Variants in EEFSEC observed in about 807,000 individuals in gnomAD.
EEFSEC encodes selenocysteine-specific elongation factor.
Under a neutral mutation model 42.1 loss-of-function variants are expected in EEFSEC, and 43 were observed. The observed-to-expected ratio is 1.02, with a 90% CI of 0.80 to 1.32. The LOEUF (loss-of-function observed/expected upper bound fraction) is 1.32, where lower values mean the gene tolerates loss of function less well. EEFSEC is among the 40% of genes most tolerant of loss of function. The pLI, the probability that EEFSEC is intolerant of heterozygous loss-of-function variation, is 0.00. For synonymous variants in EEFSEC, 354 were observed against 339.1 expected, an observed-to-expected ratio of 1.04 and a Z score of -0.48; for missense variants, 745 against 803.6, an observed-to-expected ratio of 0.93 and a Z score of 0.88.
chr3:128,402,633 C>T (rs2068061762), intron 6 of EEFSEC, among the ~76,000 whole-genome samples: 1 of 152,232 alleles, frequency 6.6e-6, no homozygotes, highest in African/African-American at 2.4e-5. Context: ...GCTGTGGGGA[C>T]ATCTTTGTGT....
At chr3:128,195,011 T>C (rs944517474) in intron 1 of EEFSEC, among the ~76,000 whole-genome samples, 4 of 152,198 alleles carry the variant, frequency 2.6e-5, no homozygotes, top group African/African-American at 9.7e-5. Context: ...TTGGAGCTGG[T>C]CAGCCAGTGC....
intron 6 of EEFSEC, among the ~76,000 whole-genome samples, chr3:128,405,595 GC>G (rs1162947588): frequency 6.6e-6 from 1 of 152,244 alleles, no homozygotes; most frequent in Non-Finnish European, 1.5e-5. Context: ...AACCCACACA[GC>G]CCCGCCAGCC....
chr3:128,424,506 T>C, the EEFSEC span, among the ~76,000 whole-genome samples: 1 of 152,032 alleles, frequency 6.6e-6, no homozygotes, highest in Admixed American at 6.5e-5. Flanking sequence ...CTCAGCCTCC[T>C]GAGTAGCTAA....
chr3:128,227,536 G>C (rs539032866), intron 1 of EEFSEC, among the ~76,000 whole-genome samples: 3 of 152,266 alleles, frequency 2.0e-5, no homozygotes, highest in African/African-American at 7.2e-5. Context: ...CAGAGGAGGG[G>C]CTCTCTGTGG....
chr3:128,384,229 A>G (rs1185555543), intron 6 of EEFSEC, among the ~76,000 whole-genome samples: 1 of 152,198 alleles, frequency 6.6e-6, no homozygotes, highest in Non-Finnish European at 1.5e-5. Context: ...TGCCCAGGAG[A>G]GAAGGTACCA....
intron 6 of EEFSEC, chr3:128,362,264 G>A (rs370898455): frequency 2.5e-5 from 13 of 515,274 alleles, no homozygotes; most frequent in Non-Finnish European, 3.6e-5. Flanking sequence ...AACAGCTTCC[G>A]CAGCCCCTCC....
chr3:128,201,941 C>T (rs2065648041), intron 1 of EEFSEC, among the ~76,000 whole-genome samples: 1 of 152,142 alleles, frequency 6.6e-6, no homozygotes, highest in Admixed American at 6.5e-5. Flanking sequence ...TATTCCAGTG[C>T]ATCATTTCTT....
At chr3:128,350,714 G>C (rs535742588) in intron 5 of EEFSEC, among the ~76,000 whole-genome samples, 6 of 152,232 alleles carry the variant, frequency 3.9e-5, no homozygotes, top group African/African-American at 1.4e-4. Flanking sequence ...GAAAGAGCCA[G>C]TTCTGGAAAC....
chr3:128,409,465 A>G (rs2068158734), downstream of EEFSEC, among the ~76,000 whole-genome samples: 2 of 152,126 alleles, frequency 1.3e-5, no homozygotes, highest in Non-Finnish European at 2.9e-5. Context: ...AGCTGCAAGG[A>G]TACCAGCGAT....
intron 4 of EEFSEC, among the ~76,000 whole-genome samples, chr3:128,279,124 G>A (rs1207066217): frequency 6.6e-6 from 1 of 152,210 alleles, no homozygotes; most frequent in East Asian, 1.9e-4. Flanking sequence ...CAAGCAGAGC[G>A]CAGCTAATGT....
Position 128,174,108 on chromosome 3 carries a change from C to T in EEFSEC, c.316+20285C>T, listed in dbSNP as rs970195206. Among the ~76,000 whole-genome samples, 4 of 152,318 alleles carry T rather than the reference C, an allele frequency of 2.6e-5. No individual in the cohort carries two copies. The East Asian group carries it at 7.7e-4, about 29-fold the overall frequency. On this transcript the variant is annotated intron_variant, in intron 1 of 6. Transcript: ENST00000254730. Reference sequence around the variant, plus strand: ...AGGAAACATTGCTCTGGCCGCTGCTCTCAGAGGCCCTCCCCTCTGTTTCCA... The same window carrying T: ...AGGAAACATTGCTCTGGCCGCTGCTTTCAGAGGCCCTCCCCTCTGTTTCCA...
chr3:128,253,195 G>A (rs141146071), intron 2 of EEFSEC, among the ~76,000 whole-genome samples: 7 of 152,342 alleles, frequency 4.6e-5, no homozygotes, highest in African/African-American at 1.7e-4. Context: ...ATTTCCAAAA[G>A]CTTTATAGGT....
At chr3:128,356,209 C>T (rs2107586091) in intron 5 of EEFSEC, among the ~76,000 whole-genome samples, 2 of 152,306 alleles carry the variant, frequency 1.3e-5, no homozygotes, top group Middle Eastern at 6.8e-3. Context: ...CTAAGGATAC[C>T]TGCGTATATT....
At chr3:128,218,067 CAT>C (rs1270142366) in intron 1 of EEFSEC, among the ~76,000 whole-genome samples, 3 of 152,170 alleles carry the variant, frequency 2.0e-5, no homozygotes, top group African/African-American at 7.2e-5. Context: ...ACAGTGGATA[CAT>C]GTTTCTTTTC....
chr3:128,287,794 T>A (rs565146765), intron 4 of EEFSEC, among the ~76,000 whole-genome samples: 1 of 152,342 alleles, frequency 6.6e-6, no homozygotes, highest in African/African-American at 2.4e-5. Context: ...GGAAAAAAAA[T>A]TCAAACTATG....
chr3:128,241,468 C>T (rs1426992773), intron 1 of EEFSEC, among the ~76,000 whole-genome samples: 1 of 152,154 alleles, frequency 6.6e-6, no homozygotes, highest in East Asian at 1.9e-4. Flanking sequence ...ACCTCAGCCT[C>T]CCAAAGTGCT....
chr3:128,238,259 T>C (rs2066033258), intron 1 of EEFSEC, among the ~76,000 whole-genome samples: 1 of 152,200 alleles, frequency 6.6e-6, no homozygotes, highest in African/African-American at 2.4e-5. Context: ...ATGCCTGTTC[T>C]CCAGGAGACA....
intron 1 of EEFSEC, among the ~76,000 whole-genome samples, chr3:128,211,021 C>G (rs748996358): frequency 3.3e-5 from 5 of 152,204 alleles, no homozygotes; most frequent in Non-Finnish European, 5.9e-5. Context: ...CATCCTCTGT[C>G]GCTTACTGGC....
At chr3:128,400,148 G>A (rs1199354765) in intron 6 of EEFSEC, among the ~76,000 whole-genome samples, 1 of 152,300 alleles carries the variant, frequency 6.6e-6, no homozygotes, top group African/African-American at 2.4e-5. Context: ...CTCCAGCCAC[G>A]CCCTGACTTA....
Sources: allele counts gnomAD v4.1 joint callset (sites outside exome capture counted in the v4.1 genomes callset), GRCh38; gene constraint gnomAD v4.1.1; transcripts MANE v1.5; gene names NCBI Gene and HGNC (gene_info 2026-07-23, HGNC 2026-07-21).